SLC12A8: variants seen among roughly 807,000 people sequenced by gnomAD.
The protein encoded by SLC12A8 is solute carrier family 12 member 8.
Under a neutral mutation model 75.6 loss-of-function variants are expected in SLC12A8, and 69 were observed. The ratio of observed to expected loss-of-function variants is 0.91; its 90% CI spans 0.75 to 1.11. The LOEUF is 1.11. Among genes scored for constraint, SLC12A8 ranks in the 50% most tolerant of loss-of-function variants. SLC12A8 has a pLI of 0.00. For synonymous variants in SLC12A8, 365 were observed against 372.8 expected (o/e 0.98, Z 0.24); for missense variants, 877 against 896.7 (o/e 0.98, Z 0.28).
chr3:125,167,469 G>C (rs955520314), intron 5 of SLC12A8, among the ~76,000 whole-genome samples: 1 of 152,194 alleles, frequency 6.6e-6, no homozygotes, highest in Non-Finnish European at 1.5e-5. Context: ...CAAGGAACCA[G>C]AGTCCCAAAT....
chr3:125,174,851 G>A (rs1934485451), intron 5 of SLC12A8, among the ~76,000 whole-genome samples: 1 of 152,158 alleles, frequency 6.6e-6, no homozygotes. Context: ...GAATTTTTAG[G>A]GCAGTGAAAC....
chr3:125,101,515 G>A (rs1374070713), intron 10 of SLC12A8, among the ~76,000 whole-genome samples: 1 of 152,168 alleles, frequency 6.6e-6, no homozygotes, highest in Non-Finnish European at 1.5e-5. Flanking sequence ...TGGAAGGTAT[G>A]CTTTCATCAG....
At chr3:125,196,800 A>G (rs2107799715) in intron 2 of SLC12A8, among the ~76,000 whole-genome samples, 1 of 152,306 alleles carries the variant, frequency 6.6e-6, no homozygotes, top group East Asian at 1.9e-4. Flanking sequence ...GTGGTGGTGC[A>G]TGCCTGTAGT....
rs376651088 is a variant in SLC12A8, at chr3:125,100,885, C to T, written c.1705+6596G>A. 2.2e-4 allele frequency among the ~76,000 whole-genome samples: 32 copies of T among 148,694 alleles called. No homozygotes were observed. The South Asian group carries it at 6.2e-3, about 29-fold the overall frequency. ...AAAATTAGCCGGGCGCGGTGGCGGG[C>T]GCCTGTAGTCCCAGCTACTCGGGAG... is the stretch of plus-strand genomic sequence containing the variant. On this transcript the variant is annotated intron_variant, in intron 10 of 13. Coordinates refer to ENST00000469902, the MANE Select transcript of SLC12A8 (RefSeq NM_024628.6).
intron 13 of SLC12A8, 71 bp from the exon 14 acceptor site, chr3:125,084,123 T>C: frequency 1.5e-6 from 2 of 1,303,954 alleles, no homozygotes; most frequent in South Asian, 2.7e-5. Flanking sequence ...GTGAGTCTAC[T>C]GGGCATAAAG....
intron 10 of SLC12A8, among the ~76,000 whole-genome samples, chr3:125,094,433 C>T (rs1241592455): frequency 6.6e-6 from 1 of 152,140 alleles, no homozygotes; most frequent in African/African-American, 2.4e-5. Context: ...TTCATGTTCT[C>T]TCATCACCCA....
intron 2 of SLC12A8, among the ~76,000 whole-genome samples, chr3:125,206,461 T>G (rs1935228381): frequency 1.3e-5 from 2 of 152,206 alleles, no homozygotes; most frequent in South Asian, 4.1e-4. Context: ...TGAGGACTCC[T>G]CCATGTCTTG....
intron 10 of SLC12A8, among the ~76,000 whole-genome samples, chr3:125,101,579 T>C (rs1938875281): frequency 6.6e-6 from 1 of 152,194 alleles, no homozygotes; most frequent in Non-Finnish European, 1.5e-5. Flanking sequence ...TGTACAAATG[T>C]TTTTTATTTC....
At chr3:125,106,045 C>T (rs1208245091) in intron 10 of SLC12A8, among the ~76,000 whole-genome samples, 2 of 152,032 alleles carry the variant, frequency 1.3e-5, no homozygotes, top group African/African-American at 4.8e-5. Flanking sequence ...ACTGACATAT[C>T]AAGAAGTAGC....
intron 5 of SLC12A8, among the ~76,000 whole-genome samples, chr3:125,175,487 T>C (rs547627450): frequency 1.1e-4 from 16 of 152,304 alleles, no homozygotes; most frequent in South Asian, 1.0e-3. Flanking sequence ...GGAAAAATAT[T>C]TGGAGTAACT....
chr3:125,091,510 G>T lies in SLC12A8; in HGVS notation c.1850C>A (p.Thr617Asn), dbSNP rs1459746575. ...LIMFVIQWVY[T>N]LVNMGVAAIV... is the part of the protein sequence containing the mutation. Reference sequence around the variant, plus strand: ...GGCAGCAACACCCATGTTAACCAGGGTATACACCCACTGTATCACAAACAT... The same window carrying T: ...GGCAGCAACACCCATGTTAACCAGGTTATACACCCACTGTATCACAAACAT... The change falls in exon 12 of 14, where the codon ACC becomes AAC. Residue 617 changes from threonine (T) to asparagine (N), a missense_variant. Thr to Asn is a moderately conservative substitution (Grantham distance 65). Coordinates refer to ENST00000469902, the MANE Select transcript of SLC12A8 (RefSeq NM_024628.6). 1.9e-6 allele frequency: 3 copies of T among 1,613,990 alleles called. No individual in the cohort carries two copies. Among genetic ancestry groups the T allele is most frequent in the Non-Finnish European group, 1.7e-6 (2 of 1,179,894 alleles).
intron 8 of SLC12A8, among the ~76,000 whole-genome samples, chr3:125,115,006 C>T (rs816154): frequency 0.54 from 82,203 of 152,016 alleles, 22,943 homozygotes; most frequent in East Asian, 0.72. Flanking sequence ...AAAATGTGTT[C>T]CTAAAATAAA....
At chr3:125,195,688 G>A (rs375846504) in intron 2 of SLC12A8, among the ~76,000 whole-genome samples, 8 of 151,444 alleles carry the variant, frequency 5.3e-5, no homozygotes, top group South Asian at 2.1e-4. Flanking sequence ...GGCTCAGCCC[G>A]CAGAGTGGCA....
chr3:125,110,404 C>T (rs1939159298), intron 8 of SLC12A8, 69 bp from the exon 9 acceptor site: 2 of 1,510,110 alleles, frequency 1.3e-6, no homozygotes, highest in East Asian at 4.6e-5. Flanking sequence ...CCCCCAGCAC[C>T]CACCCACCTG....
chr3:125,153,419 T>C lies in SLC12A8; in HGVS notation c.623-17637A>G, dbSNP rs1465599306. 3.2e-4 allele frequency among the ~76,000 whole-genome samples: 49 copies of C among 152,226 alleles called. 1 individual carries two copies. Among genetic ancestry groups the C allele is most frequent in the Admixed American group, 3.2e-3 (49 of 15,286 alleles). On this transcript the variant is annotated intron_variant, in intron 5 of 13. Coordinates refer to ENST00000469902, the MANE Select transcript of SLC12A8 (RefSeq NM_024628.6). ...CACCAGTGCTTCTTTCTGCTATATCTGATGCCTTGTTTTGTTACTTTCAGA... is the reference window on the plus strand; with the variant it reads ...CACCAGTGCTTCTTTCTGCTATATCCGATGCCTTGTTTTGTTACTTTCAGA...
At chr3:125,198,247 T>C (rs503104) in intron 2 of SLC12A8, among the ~76,000 whole-genome samples, 9 of 126,998 alleles carry the variant, frequency 7.1e-5, no homozygotes, top group Non-Finnish European at 1.2e-4. Flanking sequence ...ATAACCAACA[T>C]GTGTTCTTTA....
chr3:125,102,762 G>T (rs900645905), intron 10 of SLC12A8, among the ~76,000 whole-genome samples: 4 of 152,122 alleles, frequency 2.6e-5, no homozygotes, highest in African/African-American at 9.7e-5. Flanking sequence ...GAATGAAACA[G>T]ACATAAACCC....
chr3:125,189,527 C>T (rs1263476624), intron 3 of SLC12A8, among the ~76,000 whole-genome samples: 1 of 152,208 alleles, frequency 6.6e-6, no homozygotes, highest in African/African-American at 2.4e-5. Flanking sequence ...TTTCAGAACT[C>T]TCCTAATGCA....
intron 6 of SLC12A8, among the ~76,000 whole-genome samples, chr3:125,122,848 C>T (rs1933098018): frequency 6.6e-6 from 1 of 151,960 alleles, no homozygotes; most frequent in East Asian, 1.9e-4. Flanking sequence ...CTGGAAGAAA[C>T]ATAAATCAGG....
Sources: gnomAD v4.1 joint callset for allele counts (sites outside exome capture counted in the v4.1 genomes callset) on GRCh38, gnomAD v4.1.1 for gene constraint, MANE v1.5 for transcripts, NCBI Gene and HGNC (gene_info 2026-07-23, HGNC 2026-07-21) for gene names.